HPSE2: variants seen among roughly 807,000 people sequenced by gnomAD.
The protein encoded by HPSE2 is inactive heparanase-2.
Under a neutral mutation model 60.5 loss-of-function variants are expected in HPSE2, and 38 were observed. The observed-to-expected ratio is 0.63, with a 90% confidence interval of 0.48 to 0.82. The LOEUF (loss-of-function observed/expected upper bound fraction) is 0.82. Ranked by LOEUF, HPSE2 falls within the 40% of genes least tolerant of loss-of-function variation. The pLI, the probability that HPSE2 is intolerant of heterozygous loss-of-function variation, is 0.00. For synonymous variants in HPSE2, 295 were observed against 293.2 expected, an observed-to-expected ratio of 1.01 and a Z score of -0.06; for missense variants, 713 against 740.4, an observed-to-expected ratio of 0.96 and a Z score of 0.43.
At chr10:99,312,052 A>C in the HPSE2 span, among the ~76,000 whole-genome samples, 1 of 152,192 alleles carries the variant, frequency 6.6e-6, no homozygotes, top group East Asian at 1.9e-4. Context: ...AGGCTGAGAG[A>C]GGTGAGGAAG....
intron 3 of HPSE2, among the ~76,000 whole-genome samples, chr10:99,001,891 G>A (rs1212953122): frequency 1.3e-5 from 2 of 151,848 alleles, no homozygotes; most frequent in East Asian, 3.9e-4. Context: ...TTCTGTAACA[G>A]GTCAGACTGT....
At chr10:98,923,282 C>G (rs961548430) in intron 3 of HPSE2, among the ~76,000 whole-genome samples, 1 of 152,188 alleles carries the variant, frequency 6.6e-6, no homozygotes, top group South Asian at 2.1e-4. Flanking sequence ...TGGAGCTCCA[C>G]TGTGTGTTGT....
chr10:98,457,538 A>C lies in HPSE2; in HGVS notation c.*2036T>G, dbSNP rs1482361591. Reference sequence around the variant, plus strand: ...GACCTTTGGTTACTCTTGTTATATCAGGGGGCCCTGCAGTCGCACCTGTAC... The same window carrying C: ...GACCTTTGGTTACTCTTGTTATATCCGGGGGCCCTGCAGTCGCACCTGTAC... On this transcript the variant is annotated 3_prime_UTR_variant, in exon 12 of 12. Coordinates refer to ENST00000370552, the MANE Select transcript of HPSE2 (RefSeq NM_021828.5). The C allele has an allele frequency of 6.6e-6, 1 of 152,210 alleles. No homozygotes were observed. The highest frequency in any genetic ancestry group is 2.1e-4 in the South Asian group (1 of 4,834). The allele number at this position is 152,210 out of a possible 1,614,324, so 9.4% of individuals were successfully genotyped here.
chr10:98,602,464 G>A (rs373521937), intron 9 of HPSE2, among the ~76,000 whole-genome samples: 1 of 152,054 alleles, frequency 6.6e-6, no homozygotes, highest in South Asian at 2.1e-4. Context: ...AACTAAACCA[G>A]TCTTGAAAAA....
intron 9 of HPSE2, among the ~76,000 whole-genome samples, chr10:98,600,871 A>ATAAG (rs1945385648): frequency 9.7e-6 from 1 of 102,830 alleles, no homozygotes; most frequent in Non-Finnish European, 2.3e-5. Flanking sequence ...ATATACGTAT[A>ATAAG]TATGTATATA....
intron 3 of HPSE2, among the ~76,000 whole-genome samples, chr10:99,031,050 A>G (rs1374727071): frequency 6.6e-6 from 1 of 152,168 alleles, no homozygotes; most frequent in Non-Finnish European, 1.5e-5. Context: ...AATAAATAGA[A>G]AGAATAAACA....
At chr10:98,591,440 A>G (rs1945087447) in intron 9 of HPSE2, among the ~76,000 whole-genome samples, 1 of 152,172 alleles carries the variant, frequency 6.6e-6, no homozygotes, top group Non-Finnish European at 1.5e-5. Flanking sequence ...ACAGGGGCAG[A>G]TCACCTGAGG....
intron 9 of HPSE2, among the ~76,000 whole-genome samples, chr10:98,602,755 GC>G (rs1945464429): frequency 6.6e-6 from 1 of 152,056 alleles, no homozygotes; most frequent in African/African-American, 2.4e-5. Flanking sequence ...GTATCTACAT[GC>G]AAAAGAATGA....
chr10:98,539,120 G>C (rs1943379943), intron 9 of HPSE2, among the ~76,000 whole-genome samples: 1 of 152,176 alleles, frequency 6.6e-6, no homozygotes, highest in African/African-American at 2.4e-5. Flanking sequence ...TGGTAAAGAG[G>C]TTGCAATCAG....
At chr10:99,298,377 C>T in the HPSE2 span, among the ~76,000 whole-genome samples, 1 of 152,256 alleles carries the variant, frequency 6.6e-6, no homozygotes, top group South Asian at 2.1e-4. Context: ...ATTTACTAAA[C>T]TTAGGCTAAC....
At chr10:98,799,922 A>G (rs1950867136) in intron 3 of HPSE2, among the ~76,000 whole-genome samples, 1 of 152,208 alleles carries the variant, frequency 6.6e-6, no homozygotes, top group Admixed American at 6.5e-5. Flanking sequence ...AAGAAAAGAA[A>G]TAATAAAGAT....
chr10:98,573,594 TG>T (rs1944562066), intron 9 of HPSE2, among the ~76,000 whole-genome samples: 2 of 152,126 alleles, frequency 1.3e-5, no homozygotes, highest in African/African-American at 4.8e-5. Flanking sequence ...GCTCTTAGGA[TG>T]GAAAATGGAA....
At chr10:98,967,538 G>GA (rs1475494058) in intron 3 of HPSE2, among the ~76,000 whole-genome samples, 2 of 151,892 alleles carry the variant, frequency 1.3e-5, no homozygotes, top group African/African-American at 4.8e-5. Flanking sequence ...TTCTCGATTG[G>GA]AAAAAACAAT....
At chr10:98,986,557 A>G (rs552413516) in intron 3 of HPSE2, among the ~76,000 whole-genome samples, 2 of 151,764 alleles carry the variant, frequency 1.3e-5, no homozygotes, top group East Asian at 3.9e-4. Flanking sequence ...TCTAAAATTC[A>G]CACCCTAACA....
chr10:99,312,366 A>C, the HPSE2 span, among the ~76,000 whole-genome samples: 1 of 152,228 alleles, frequency 6.6e-6, no homozygotes, highest in Admixed American at 6.5e-5. Flanking sequence ...TTAAGGGTTA[A>C]TACAGCCGGC....
intron 9 of HPSE2, among the ~76,000 whole-genome samples, chr10:98,613,314 T>C (rs562724608): frequency 6.6e-6 from 1 of 152,330 alleles, no homozygotes; most frequent in Admixed American, 6.5e-5. Flanking sequence ...TCCTCTATGG[T>C]TCCATGCTGA....
chr10:98,549,183 C>T (rs1479175516), intron 9 of HPSE2, among the ~76,000 whole-genome samples: 5 of 152,100 alleles, frequency 3.3e-5, no homozygotes, highest in African/African-American at 7.2e-5. Flanking sequence ...CTTACTGTCT[C>T]TCATAGAGAG....
the HPSE2 span, among the ~76,000 whole-genome samples, chr10:99,309,362 A>G: frequency 6.6e-6 from 1 of 152,226 alleles, no homozygotes; most frequent in African/African-American, 2.4e-5. Flanking sequence ...ACTATTTAAA[A>G]ATGAGCAAAA....
intron 3 of HPSE2, among the ~76,000 whole-genome samples, chr10:98,745,849 G>A (rs72842314): frequency 1.3e-5 from 2 of 152,222 alleles, no homozygotes; most frequent in Non-Finnish European, 2.9e-5. Flanking sequence ...TTCCACAAGA[G>A]GTCACCAGAG....
Sources: allele counts gnomAD v4.1 joint callset (sites outside exome capture counted in the v4.1 genomes callset), GRCh38; gene constraint gnomAD v4.1.1; transcripts MANE v1.5; gene names NCBI Gene and HGNC (gene_info 2026-07-23, HGNC 2026-07-21).